The following PTPRT variants were observed in gnomAD, a reference collection of about 807,000 sequenced individuals.
PTPRT encodes protein tyrosine phosphatase receptor type T, also known as receptor-type tyrosine-protein phosphatase T.
Under a neutral mutation model 176.8 loss-of-function variants are expected in PTPRT, and 56 were observed. The ratio of observed to expected loss-of-function variants is 0.32; its 90% CI spans 0.26 to 0.40. The LOEUF is 0.40. Ranked by LOEUF, PTPRT falls within the 10% of genes least tolerant of loss-of-function variation. The pLI is 1.00. For missense variants in PTPRT, 1,540 were observed against 1,908.2 expected, an observed-to-expected ratio of 0.81 and a Z score of 3.60; for synonymous variants, 783 against 739.0, an observed-to-expected ratio of 1.06 and a Z score of -0.96.
intron 9 of PTPRT, among the ~76,000 whole-genome samples, chr20:42,429,492 C>T (rs1375430955): frequency 6.6e-6 from 1 of 152,098 alleles, no homozygotes; most frequent in African/African-American, 2.4e-5. Context: ...TTCCCTTGGT[C>T]TCCTCCCTCT....
intron 1 of PTPRT, among the ~76,000 whole-genome samples, chr20:42,904,861 C>T (rs975677763): frequency 6.6e-5 from 10 of 152,116 alleles, no homozygotes; most frequent in Non-Finnish European, 1.5e-5. Flanking sequence ...ACTGGCTAGC[C>T]ATATGTAGAA....
intron 8 of PTPRT, 31 bp downstream of exon 8, chr20:42,472,235 A>G: frequency 5.6e-6 from 9 of 1,601,164 alleles, no homozygotes; most frequent in East Asian, 2.2e-5. Context: ...CAATATCCCC[A>G]TTCCCATGTA....
chr20:42,651,856 G>A (rs1284810704), intron 7 of PTPRT, among the ~76,000 whole-genome samples: 2 of 152,024 alleles, frequency 1.3e-5, no homozygotes, highest in African/African-American at 4.8e-5. Flanking sequence ...AGATCAGCCT[G>A]GCCAAAATGG....
chr20:42,862,082 C>A (rs1033546086), intron 2 of PTPRT, among the ~76,000 whole-genome samples: 17 of 152,108 alleles, frequency 1.1e-4, no homozygotes, highest in African/African-American at 2.7e-4. Context: ...AACATATAAA[C>A]AATATAAAAA....
chr20:42,438,449 A>G (rs2059282865), intron 9 of PTPRT, among the ~76,000 whole-genome samples: 1 of 152,208 alleles, frequency 6.6e-6, no homozygotes, highest in South Asian at 2.1e-4. Context: ...GAAAACAGAC[A>G]TAGCCCTGTG....
intron 2 of PTPRT, among the ~76,000 whole-genome samples, chr20:42,819,221 G>A (rs977360552): frequency 2.6e-5 from 4 of 152,162 alleles, no homozygotes; most frequent in Admixed American, 1.3e-4. Flanking sequence ...AACTCCAGAG[G>A]CCAGAAGAGA....
intron 8 of PTPRT, among the ~76,000 whole-genome samples, chr20:42,450,854 G>A (rs539575353): frequency 1.3e-5 from 2 of 152,250 alleles, no homozygotes; most frequent in African/African-American, 2.4e-5. Flanking sequence ...GACATTAAGC[G>A]ATTATACTCA....
intron 13 of PTPRT, among the ~76,000 whole-genome samples, chr20:42,253,328 T>A (rs2056580359): frequency 6.6e-6 from 1 of 152,150 alleles, no homozygotes; most frequent in Admixed American, 6.5e-5. Flanking sequence ...TAGAAGGCTA[T>A]CTGTCTGACT....
intron 2 of PTPRT, among the ~76,000 whole-genome samples, chr20:42,854,488 G>A (rs1014998338): frequency 6.6e-6 from 1 of 152,200 alleles, no homozygotes; most frequent in African/African-American, 2.4e-5. Flanking sequence ...GGCACACTGT[G>A]ACAGAATGGG....
At chr20:42,198,555 A>C (rs925462958) in intron 16 of PTPRT, among the ~76,000 whole-genome samples, 13 of 152,214 alleles carry the variant, frequency 8.5e-5, no homozygotes, top group African/African-American at 3.1e-4. Context: ...TCTGTCCACA[A>C]GGAAGCCTTA....
At chr20:42,286,274 C>T (rs2057229168) in intron 12 of PTPRT, among the ~76,000 whole-genome samples, 1 of 151,918 alleles carries the variant, frequency 6.6e-6, no homozygotes, top group South Asian at 2.1e-4. Flanking sequence ...ATAGCCAAAA[C>T]AGTCCTGAGC....
intron 1 of PTPRT, among the ~76,000 whole-genome samples, chr20:42,973,750 G>A (rs550902136): frequency 3.9e-5 from 6 of 152,258 alleles, no homozygotes; most frequent in African/African-American, 1.4e-4. Flanking sequence ...ACATAAAATA[G>A]AAGAAGACAA....
At chr20:42,746,528 G>A (rs2076693139) in intron 6 of PTPRT, among the ~76,000 whole-genome samples, 1 of 152,082 alleles carries the variant, frequency 6.6e-6, no homozygotes, top group Admixed American at 6.6e-5. Context: ...GTCATGAAAT[G>A]ATGGTCCTAA....
intron 2 of PTPRT, among the ~76,000 whole-genome samples, chr20:42,860,930 G>A (rs187315207): frequency 2.0e-4 from 30 of 152,210 alleles, no homozygotes; most frequent in African/African-American, 7.2e-4. Context: ...TGTTAGTTTG[G>A]AATAGACAGG....
chr20:42,993,552 A>T (rs1289791696), intron 1 of PTPRT, among the ~76,000 whole-genome samples: 1 of 129,726 alleles, frequency 7.7e-6, no homozygotes, highest in African/African-American at 3.2e-5. Flanking sequence ...GTATATATAT[A>T]CACATATATG....
At chr20:42,217,376 T>TAC (rs71335847) in intron 15 of PTPRT, among the ~76,000 whole-genome samples, 29,600 of 103,762 alleles carry the variant, frequency 0.29, 4,018 homozygotes, top group Non-Finnish European at 0.35. Context: ...CTCTCAAACA[T>TAC]ACACACACAC....
intron 1 of PTPRT, among the ~76,000 whole-genome samples, chr20:42,945,008 T>G (rs1980788527): frequency 1.3e-5 from 2 of 151,202 alleles, no homozygotes. Flanking sequence ...ACCAGTGTCA[T>G]TTGTGGCCAG....
intron 7 of PTPRT, among the ~76,000 whole-genome samples, chr20:42,624,552 C>G (rs759653468): frequency 2.5e-4 from 38 of 152,146 alleles, no homozygotes; most frequent in Non-Finnish European, 5.1e-4. Context: ...GTGTCAAAGG[C>G]ACAAACTATT....
chr20:42,603,137 G>A (rs1466559579), intron 7 of PTPRT, among the ~76,000 whole-genome samples: 1 of 152,156 alleles, frequency 6.6e-6, no homozygotes, highest in Non-Finnish European at 1.5e-5. Context: ...AGTGATGAGT[G>A]ACAGAAGTTA....
Sources: allele counts gnomAD v4.1 joint callset (sites outside exome capture counted in the v4.1 genomes callset), GRCh38; gene constraint gnomAD v4.1.1; transcripts MANE v1.5; gene names NCBI Gene and HGNC (gene_info 2026-07-23, HGNC 2026-07-21).